The following ANO10 variants were observed in gnomAD, a reference collection of about 807,000 sequenced individuals.
ANO10 encodes anoctamin-10.
In ANO10, 77 loss-of-function variants were observed where a neutral mutation model predicts 74.7. That is an observed-to-expected ratio of 1.03 (90% CI 0.86 to 1.25). ANO10 has a LOEUF of 1.25. Among genes scored for constraint, ANO10 ranks in the 50% most tolerant of loss-of-function variants. The pLI is 0.00. For synonymous variants in ANO10, 279 were observed against 284.9 expected, an observed-to-expected ratio of 0.98 and a Z score of 0.21; for missense variants, 721 against 778.1, an observed-to-expected ratio of 0.93 and a Z score of 0.87.
chr3:43,682,655 G>C (rs1391845518), intron 1 of ANO10, among the ~76,000 whole-genome samples: 1 of 152,192 alleles, frequency 6.6e-6, no homozygotes, highest in Non-Finnish European at 1.5e-5. Flanking sequence ...CAATATCTCT[G>C]ATGAACATTG....
intron 12 of ANO10, among the ~76,000 whole-genome samples, chr3:43,413,807 T>C (rs965645624): frequency 1.8e-4 from 27 of 151,362 alleles, no homozygotes; most frequent in African/African-American, 6.6e-4. Flanking sequence ...CTGGATTAGA[T>C]CTATTTTCAC....
intron 1 of ANO10, among the ~76,000 whole-genome samples, chr3:43,633,056 A>G (rs76632762): frequency 0.016 from 2,396 of 152,350 alleles, 57 homozygotes; most frequent in African/African-American, 0.054. Flanking sequence ...AGAGAAAAAG[A>G]ACTTTACATT....
intron 1 of ANO10, among the ~76,000 whole-genome samples, chr3:43,612,138 TTTTATATATATATATATATATATA>T (rs2082850209): frequency 1.1e-5 from 1 of 89,218 alleles, no homozygotes; most frequent in African/African-American, 4.8e-5. Flanking sequence ...AAATTAAATA[TTTTATATATATATATATATATATA>T]TATATATATA....
intron 11 of ANO10, among the ~76,000 whole-genome samples, chr3:43,483,691 G>T (rs1384355987): frequency 6.6e-6 from 1 of 152,172 alleles, no homozygotes; most frequent in Non-Finnish European, 1.5e-5. Context: ...GTGTGCTTGA[G>T]GTGGTTGGGT....
intron 11 of ANO10, among the ~76,000 whole-genome samples, chr3:43,490,410 T>A (rs2076674621): frequency 1.3e-5 from 2 of 152,140 alleles, no homozygotes; most frequent in Non-Finnish European, 2.9e-5. Flanking sequence ...ACCTGGCAAC[T>A]TGGAAGAGGG....
chr3:43,662,811 C>T (rs942760024), intron 1 of ANO10, among the ~76,000 whole-genome samples: 19 of 152,060 alleles, frequency 1.2e-4, no homozygotes, highest in African/African-American at 3.6e-4. Flanking sequence ...ATAAATTTCT[C>T]GACACATACA....
chr3:43,659,271 T>C (rs2083892641), intron 1 of ANO10, among the ~76,000 whole-genome samples: 1 of 151,970 alleles, frequency 6.6e-6, no homozygotes, highest in Admixed American at 6.6e-5. Context: ...ACCCGAGAAG[T>C]GCAAGGGGTC....
At chr3:43,683,847 A>T (rs7621288) in intron 1 of ANO10, among the ~76,000 whole-genome samples, 16,112 of 152,138 alleles carry the variant, frequency 0.11, 1,212 homozygotes, top group South Asian at 0.23. Flanking sequence ...CCCTATTTAA[A>T]AAATGGTGCT....
At chr3:43,428,969 GA>G (rs1366754277) in intron 12 of ANO10, among the ~76,000 whole-genome samples, 1 of 152,032 alleles carries the variant, frequency 6.6e-6, no homozygotes, top group Non-Finnish European at 1.5e-5. Flanking sequence ...CAACTTGTAT[GA>G]GAGAGGATTT....
chr3:43,565,650 T>TA lies in ANO10; in HGVS notation c.1293+2dup. The TA allele has an allele frequency of 6.4e-7, 1 of 1,572,444 alleles. No homozygotes were observed. Among genetic ancestry groups the TA allele is most frequent in the Non-Finnish European group, 8.6e-7 (1 of 1,158,180 alleles). ...TTGGTATTTTTCTGTTATTTTTACT[T>TA]ACCTGGCGCAAAAGCTTCATATCTT... On this transcript the variant is annotated splice_region_variant and intron_variant, in intron 8 of 12. Transcript: ENST00000292246.
At chr3:43,483,916 G>C (rs1171595126) in intron 11 of ANO10, among the ~76,000 whole-genome samples, 1 of 152,138 alleles carries the variant, frequency 6.6e-6, no homozygotes, top group Non-Finnish European at 1.5e-5. Flanking sequence ...TTAAGTTAAG[G>C]AGGGCTGTGG....
intron 12 of ANO10, among the ~76,000 whole-genome samples, chr3:43,389,643 CA>C (rs2092223044): frequency 6.6e-6 from 1 of 152,074 alleles, no homozygotes. Context: ...AAGTATGTAG[CA>C]AAGCACATGG....
At chr3:43,596,994 C>A (rs1320671510) in intron 4 of ANO10, among the ~76,000 whole-genome samples, 2 of 152,142 alleles carry the variant, frequency 1.3e-5, no homozygotes, top group Non-Finnish European at 2.9e-5. Context: ...ATTTATGCAG[C>A]CAACAGACAC....
At chr3:43,670,650 A>G (rs377158713) in intron 1 of ANO10, among the ~76,000 whole-genome samples, 1 of 152,192 alleles carries the variant, frequency 6.6e-6, no homozygotes, top group East Asian at 1.9e-4. Context: ...GTTCTAATTT[A>G]CTAGTCATAG....
In ANO10 at chr3:43,659,993, C is replaced by T. The variant is rs369729800; in HGVS notation, c.-12+31524G>A. 1.5e-3 allele frequency among the ~76,000 whole-genome samples: 228 copies of T among 152,286 alleles called. 3 individuals are homozygous for T. Among genetic ancestry groups the T allele is most frequent in the African/African-American group, 5.1e-3 (213 of 41,570 alleles). ...TGTCCACAGGACTCCGACAGACCTG[C>T]GGCTGAGGGGCCTGTCTGTTAGAAG... On this transcript the variant is annotated intron_variant, in intron 1 of 3. Coordinates refer to the ANO10 transcript ENST00000413397.
intron 11 of ANO10, among the ~76,000 whole-genome samples, chr3:43,532,555 AAAATT>A (rs1391831055): frequency 2.0e-5 from 3 of 152,322 alleles, no homozygotes; most frequent in East Asian, 1.9e-4. Context: ...TTCTCAAAAC[AAAATT>A]AAATTGTTTT....
intron 11 of ANO10, among the ~76,000 whole-genome samples, chr3:43,462,247 G>A (rs1302321885): frequency 6.6e-6 from 1 of 152,094 alleles, no homozygotes; most frequent in African/African-American, 2.4e-5. Context: ...TTTGCTTTTC[G>A]AGAGAGAGGT....
chr3:43,544,796 TAAA>T (rs556665373), intron 11 of ANO10, among the ~76,000 whole-genome samples: 12 of 110,908 alleles, frequency 1.1e-4, no homozygotes, highest in Admixed American at 1.9e-4. Flanking sequence ...CTGTCTGAAA[TAAA>T]AAAAAAAAAA....
At chr3:43,367,574 G>A (rs1435965651) in intron 12 of ANO10, among the ~76,000 whole-genome samples, 2 of 152,112 alleles carry the variant, frequency 1.3e-5, no homozygotes. Flanking sequence ...TGAAGTCTCT[G>A]TGAGGGTGAC....
Sources: gnomAD v4.1 joint callset for allele counts (sites outside exome capture counted in the v4.1 genomes callset) on GRCh38, gnomAD v4.1.1 for gene constraint, MANE v1.5 for transcripts, NCBI Gene and HGNC (gene_info 2026-07-23, HGNC 2026-07-21) for gene names.